Variants in ANK1 observed in about 807,000 individuals in gnomAD.
ANK1 encodes the protein ankyrin 1, also known as ankyrin-1.
A neutral mutation model predicts 210.4 loss-of-function variants in ANK1; 51 were observed. The observed-to-expected ratio is 0.24, with a 90% confidence interval of 0.19 to 0.31. The LOEUF (loss-of-function observed/expected upper bound fraction) is 0.31. ANK1 is among the 10% of genes least tolerant of loss of function. The pLI is 1.00. For missense variants in ANK1, 2,051 were observed against 2,504.4 expected (o/e 0.82, Z 3.86); for synonymous variants, 967 against 1,025.9 (o/e 0.94, Z 1.10).
intron 1 of ANK1, among the ~76,000 whole-genome samples, chr8:41,861,917 ACGCCT>A (rs1226861258): frequency 6.6e-6 from 1 of 152,104 alleles, no homozygotes; most frequent in African/African-American, 2.4e-5. Context: ...CCACCTCCGC[ACGCCT>A]CCTCTTGCAC....
chr8:41,701,946 GC>G, intron 21 of ANK1, 105 bp downstream of exon 21: 1 of 1,238,074 alleles, frequency 8.1e-7, no homozygotes, highest in Admixed American at 1.9e-5. Context: ...CCTCCGACCC[GC>G]GTCCCGGAGC....
intron 26 of ANK1, 139 bp from the exon 27 acceptor site, chr8:41,695,470 C>T: frequency 2.5e-6 from 3 of 1,223,450 alleles, no homozygotes; most frequent in Non-Finnish European, 3.5e-6. Context: ...GCAGGCAGGT[C>T]TCTAAGTGGA....
chr8:41,880,216 C>T (rs906626791), intron 1 of ANK1, among the ~76,000 whole-genome samples: 2 of 152,130 alleles, frequency 1.3e-5, no homozygotes, highest in Admixed American at 6.5e-5. Flanking sequence ...TGGCCATGCT[C>T]GTTTGTTTGT....
chr8:41,661,206 C>T (rs570255944), intron 42 of ANK1: 1 of 631,436 alleles, frequency 1.6e-6, no homozygotes, highest in Admixed American at 2.8e-5. Context: ...CCGTGCGGTC[C>T]CTGATAAGTG....
In ANK1 at chr8:41,704,575, CCCTTGAAGG is replaced by C. The variant is rs1213881554; in HGVS notation, c.2098-112_2098-104del. On this transcript the variant is annotated intron_variant, in intron 18 of 42. Coordinates refer to ENST00000289734, the MANE Select transcript of ANK1 (RefSeq NM_000037.4). The surrounding 1 kb of genome is among the most constrained non-coding windows in gnomAD (Gnocchi z 4.1). ...TTCAAAGAGAGAACGGACAGGGAGC[CCCTTGAAGG>C]CTGACATTGACAAGCTGAATGGCTG... is the stretch of plus-strand genomic sequence containing the variant. The C allele has an allele frequency of 4.0e-6, 4 of 1,003,678 alleles. No homozygotes were observed. The Admixed American group carries it at 7.7e-5, about 19-fold the overall frequency. The allele number at this position is 1,003,678 out of a possible 1,614,324, so 62.2% of individuals were successfully genotyped here. A position where few individuals can be genotyped will look rare whatever the true frequency, so the allele number is the denominator to read the frequency against.
At chr8:41,810,649 G>A (rs1802349446) in intron 1 of ANK1, among the ~76,000 whole-genome samples, 1 of 152,336 alleles carries the variant, frequency 6.6e-6, no homozygotes, top group South Asian at 2.1e-4. Flanking sequence ...CGTCCCTGAC[G>A]GGCCTTCCAG....
rs191178213 is a variant in ANK1 at position 41,693,852 on chromosome 8, G to A, written c.3532+46C>T. The A allele has an allele frequency of 3.4e-5, 53 of 1,556,282 alleles. 1 individual carries two copies. In the Admixed American group the frequency reaches 6.3e-4, roughly 19 times the overall value. Reference sequence around the variant, plus strand: ...GTCACCCCCCTACTGTGTTCCAGACGCACTGCAGCAGCCGAGAACAGAAGC... The same window carrying A: ...GTCACCCCCCTACTGTGTTCCAGACACACTGCAGCAGCCGAGAACAGAAGC... On this transcript the variant is annotated intron_variant, in intron 29 of 42. Coordinates refer to ENST00000289734, the MANE Select transcript of ANK1 (RefSeq NM_000037.4).
rs1212532750 is a variant in ANK1 at position 41,704,737 on chromosome 8, G to T, written c.2098-265C>A. 6.6e-6 allele frequency among the ~76,000 whole-genome samples: 1 copy of T among 152,162 alleles called. No individual in the cohort carries two copies. Among genetic ancestry groups the T allele is most frequent in the Non-Finnish European group, 1.5e-5 (1 of 68,036 alleles). On this transcript the variant is annotated intron_variant, in intron 18 of 42. Transcript: ENST00000289734. This position sits in a 1 kb window ranked among gnomAD's most constrained non-coding sequence, Gnocchi z 4.1. ...ATGCTGGGGTCGTCAGTGCATGGGAGATCTGAGAGCTTTGGAGGTGAGTGA... is the reference window on the plus strand; with the variant it reads ...ATGCTGGGGTCGTCAGTGCATGGGATATCTGAGAGCTTTGGAGGTGAGTGA...
intron 2 of ANK1, among the ~76,000 whole-genome samples, chr8:41,749,359 A>C (rs1837082176): frequency 7.5e-6 from 1 of 134,158 alleles, no homozygotes; most frequent in African/African-American, 2.8e-5. Context: ...GTGCAGTGGC[A>C]CAATCTCGGC....
chr8:41,669,383 C>T (rs1811528378), intron 38 of ANK1, among the ~76,000 whole-genome samples: 1 of 152,028 alleles, frequency 6.6e-6, no homozygotes, highest in Non-Finnish European at 1.5e-5. Flanking sequence ...TGCAGCTCTG[C>T]ACTCCTGGGC....
At chr8:41,892,852 G>A (rs2150838932) in intron 1 of ANK1, among the ~76,000 whole-genome samples, 1 of 152,288 alleles carries the variant, frequency 6.6e-6, no homozygotes, top group South Asian at 2.1e-4. Flanking sequence ...GTCAGGTACT[G>A]AGCTAGGTGT....
At chr8:41,764,799 T>C (rs543780800) in intron 1 of ANK1, among the ~76,000 whole-genome samples, 1 of 152,366 alleles carries the variant, frequency 6.6e-6, no homozygotes, top group Non-Finnish European at 1.5e-5. Context: ...CTGAACTTCC[T>C]TTCAAAACAA....
intron 2 of ANK1, among the ~76,000 whole-genome samples, chr8:41,744,660 C>T (rs1025648224): frequency 6.6e-6 from 1 of 152,044 alleles, no homozygotes; most frequent in Admixed American, 6.5e-5. Flanking sequence ...CCTCAGCCTC[C>T]CAAGTAGCTG....
exon 1 of ANK1, chr8:41,896,497 C>T: frequency 6.3e-7 from 1 of 1,583,958 alleles, no homozygotes; most frequent in Non-Finnish European, 8.6e-7. Flanking sequence ...TCACGGCGCT[C>T]CCGTCCCCGC....
Position 41,702,163 on chromosome 8 carries a change from G to T in ANK1, c.2296-19C>A. Reference sequence around the variant, plus strand: ...TTCCATCCTGGGGAAAGAGCAGCCCGGGTGCAGTCAGACAGGGGATGGAGT... The same window carrying T: ...TTCCATCCTGGGGAAAGAGCAGCCCTGGTGCAGTCAGACAGGGGATGGAGT... On this transcript the variant is annotated intron_variant, in intron 20 of 42. Transcript: ENST00000289734. 1 of 1,606,246 alleles carries T rather than the reference G, an allele frequency of 6.2e-7. No homozygotes were observed. The highest frequency in any genetic ancestry group is 8.5e-7 in the Non-Finnish European group (1 of 1,173,076).
chr8:41,862,695 A>G (rs952102532), intron 1 of ANK1, among the ~76,000 whole-genome samples: 1 of 150,496 alleles, frequency 6.6e-6, no homozygotes, highest in Non-Finnish European at 1.5e-5. Context: ...AAACTAAACA[A>G]GTTCAAAAGG....
chr8:41,681,272 A>G (rs1815913500), intron 37 of ANK1, among the ~76,000 whole-genome samples: 1 of 152,210 alleles, frequency 6.6e-6, no homozygotes, highest in Admixed American at 6.5e-5. Context: ...TGGAACTCAC[A>G]CGGGTGTGAG....
intron 1 of ANK1, among the ~76,000 whole-genome samples, chr8:41,783,390 G>C (rs1446586286): frequency 6.6e-6 from 1 of 152,020 alleles, no homozygotes; most frequent in East Asian, 1.9e-4. Flanking sequence ...CCCTTTCCCG[G>C]GTCCTTCCCT....
chr8:41,863,074 T>C (rs1003068460), intron 1 of ANK1, among the ~76,000 whole-genome samples: 2 of 149,922 alleles, frequency 1.3e-5, no homozygotes, highest in African/African-American at 4.9e-5. Context: ...AAAAGAGTAT[T>C]ATAGCCGGGC....
Sources: gnomAD v4.1 joint callset for allele counts (sites outside exome capture counted in the v4.1 genomes callset) on GRCh38, gnomAD v4.1.1 for gene constraint, Gnocchi (gnomAD v3.1) non-coding constraint, MANE v1.5 for transcripts, NCBI Gene and HGNC (gene_info 2026-07-23, HGNC 2026-07-21) for gene names.